Variants in BNIPL observed in about 807,000 individuals in gnomAD.
The protein encoded by BNIPL is bcl-2/adenovirus E1B 19 kDa-interacting protein 2-like protein.
A neutral mutation model predicts 47.0 loss-of-function variants in BNIPL; 33 were observed. The ratio of observed to expected loss-of-function variants is 0.70; its 90% confidence interval spans 0.53 to 0.94. The LOEUF (loss-of-function observed/expected upper bound fraction) is 0.94, where lower values mean the gene tolerates loss of function less well. Ranked by LOEUF, BNIPL falls within the 40% of genes least tolerant of loss-of-function variation. BNIPL has a pLI of 0.00. For missense variants in BNIPL, 404 were observed against 445.2 expected (o/e 0.91, Z 0.83); for synonymous variants, 145 against 162.7 (o/e 0.89, Z 0.83).
chr1:151,044,087 C>T (rs1020035855), intron 7 of BNIPL, among the ~76,000 whole-genome samples: 19 of 152,186 alleles, frequency 1.2e-4, no homozygotes, highest in Middle Eastern at 3.2e-3. Context: ...CAGGCTCAAG[C>T]GATCCTCCCA....
chr1:151,039,122 G>C, intron 4 of BNIPL, 96 bp downstream of exon 4: 1 of 1,355,390 alleles, frequency 7.4e-7, no homozygotes, highest in Non-Finnish European at 9.5e-7. Context: ...AACTAATAAG[G>C]TGGGACCAAG....
chr1:151,044,271 C>T lies in BNIPL; in HGVS notation c.851+544C>T, dbSNP rs1406865970. On this transcript the variant is annotated intron_variant, in intron 7 of 9. Transcript: ENST00000368931. ...AAATGCTGAGATTATAGGCATGAGCCACTGCACCCGGCCACTTCAGCTTCT... is the reference window on the plus strand; with the variant it reads ...AAATGCTGAGATTATAGGCATGAGCTACTGCACCCGGCCACTTCAGCTTCT... Among the ~76,000 whole-genome samples the T allele has an allele frequency of 2.6e-5, 4 of 152,192 alleles. No homozygotes were observed. The East Asian group carries it at 7.7e-4, about 29-fold the overall frequency.
rs587719476 is a variant in BNIPL, at chr1:151,043,450, T to C, written c.719+16T>C. The C allele has an allele frequency of 6.3e-7, 1 of 1,577,802 alleles. No individual in the cohort carries two copies. Among genetic ancestry groups the C allele is most frequent in the African/African-American group, 1.3e-5 (1 of 74,142 alleles). ...ACTTGTTTAGGTGAGGTGGAAGGCC[T>C]GAAGGGCTACAGGGCAGTGTTAGGG... On this transcript the variant is annotated intron_variant, in intron 6 of 9. Transcript: ENST00000368931.
rs1026320193 is a variant in BNIPL at position 151,043,078 on chromosome 1, C to T, written c.556C>T (p.Arg186Trp). Reference sequence around the variant, plus strand: ...CTGGAGGGTGTTCCGAATGGGACCACGGGAGCAGCGCGTAGACATGACTGT... The same window carrying T: ...CTGGAGGGTGTTCCGAATGGGACCATGGGAGCAGCGCGTAGACATGACTGT... ...HHWRVFRMGP[R>W]EQRVDMTVIE... is the part of the protein sequence containing the mutation. Residue 186 changes from arginine to tryptophan, a missense_variant, in exon 5 of 10, where the codon CGG (arginine) becomes TGG (tryptophan). Coordinates refer to ENST00000368931, the MANE Select transcript of BNIPL (RefSeq NM_138278.4). 8.1e-6 allele frequency: 13 copies of T among 1,611,786 alleles called. No homozygotes were observed. Among genetic ancestry groups the T allele is most frequent in the Non-Finnish European group, 5.9e-6 (7 of 1,179,422 alleles).
intron 3 of BNIPL, 111 bp downstream of exon 3, chr1:151,038,679 C>T (rs900928601): frequency 8.0e-5 from 125 of 1,570,628 alleles, no homozygotes; most frequent in Non-Finnish European, 1.0e-4. Context: ...ATCTCCCCTG[C>T]GTGAGTCCTT....
Position 151,037,639 on chromosome 1 carries a change from A to G in BNIPL, c.114A>G (p.Glu38=). ...ATGGGGAGTTGGAGCTGAAGGAGGA[A>G]TGGCAGGATGAAGAATTCCCTAGGT... is the stretch of plus-strand genomic sequence containing the variant. The part of the protein sequence containing the change: ...LRHGELELKE[E]WQDEEFPRLL... Residue 38 remains glutamate, a synonymous_variant, in exon 2 of 10, where the codon GAA becomes GAG. Coordinates refer to ENST00000368931, the MANE Select transcript of BNIPL (RefSeq NM_138278.4). 1 of 1,602,402 alleles carries G rather than the reference A, an allele frequency of 6.2e-7. No individual in the cohort carries two copies. The highest frequency in any genetic ancestry group is 8.5e-7 in the Non-Finnish European group (1 of 1,174,182).
chr1:151,038,000 C>CAAAAAAAAAAAAAAAAAAAAA (rs58423611), intron 2 of BNIPL, among the ~76,000 whole-genome samples: 1 of 63,950 alleles, frequency 1.6e-5, no homozygotes, highest in African/African-American at 9.4e-5. Context: ...AACTCTGTCT[C>CAAAAAAAAAAAAAAAAAAAAA]AAAAAAAAAA....
rs587670298 is a variant in BNIPL, at chr1:151,047,097, C to A, written c.*410C>A. On this transcript the variant is annotated 3_prime_UTR_variant, in exon 10 of 10. Transcript: ENST00000368931. ...CCTCAGCCTCAGCGAGTAGCTGAGA[C>A]TACCGGCGCACGCCACCACGCCCAG... 6.3e-6 allele frequency: 1 copy of A among 157,626 alleles called. No individual in the cohort carries two copies. The highest frequency in any genetic ancestry group is 1.8e-4 in the South Asian group (1 of 5,712). 9.8% of individuals were successfully genotyped at this position (157,626 alleles called of 1,614,324 possible).
chr1:151,046,680 G>T lies in BNIPL; in HGVS notation c.1067G>T (p.Gly356Val). The change falls in exon 10 of 10, where the codon GGG (glycine) becomes GTG (valine). Residue 356 changes from glycine (G) to valine (V), a missense_variant. Transcript: ENST00000368931. ...GACCGGGATCTCCATGGCTCAGGAG[G>T]GACATAGCACAGGACTGGATAAAAG... is the stretch of plus-strand genomic sequence containing the variant. ...QLDRDLHGSG[G>V]T 1 of 1,600,856 alleles carries T rather than the reference G, an allele frequency of 6.2e-7. No individual in the cohort carries two copies. Among genetic ancestry groups the T allele is most frequent in the Non-Finnish European group, 8.5e-7 (1 of 1,170,562 alleles).
intron 7 of BNIPL, chr1:151,044,991 G>A (rs184871626): frequency 1.4e-4 from 177 of 1,272,066 alleles, no homozygotes; most frequent in Admixed American, 3.8e-4. Flanking sequence ...GTGGTCGGGC[G>A]CGGTGGCTCA....
In BNIPL at chr1:151,047,664, G is replaced by T. The variant is rs1676077987; in HGVS notation, c.*977G>T. On this transcript the variant is annotated 3_prime_UTR_variant, in exon 10 of 10. Coordinates refer to ENST00000368931, the MANE Select transcript of BNIPL (RefSeq NM_138278.4). ...CTTCGGTTCTGGCAGAGTTCTTGCC[G>T]CAGAGGTTCCTTAGGAGCACCCCGC... is the stretch of plus-strand genomic sequence containing the variant. 2.1e-6 allele frequency: 2 copies of T among 966,744 alleles called. No homozygotes were observed. Among genetic ancestry groups the T allele is most frequent in the South Asian group, 4.0e-5 (2 of 50,314 alleles). 59.9% of individuals were successfully genotyped at this position (966,744 alleles called of 1,614,324 possible).
At chr1:151,042,691 G>A (rs1182034115) in intron 4 of BNIPL, among the ~76,000 whole-genome samples, 2 of 152,008 alleles carry the variant, frequency 1.3e-5, no homozygotes, top group Non-Finnish European at 2.9e-5. Flanking sequence ...GTGCATGCCT[G>A]TAGTTCCAGC....
At position 151,037,603 on chromosome 1, in the gene BNIPL, A is replaced by T. The variant is rs1408921807; in HGVS notation, c.78A>T (p.Ala26=). 1 of 1,608,152 alleles carries T rather than the reference A, an allele frequency of 6.2e-7. No individual in the cohort carries two copies. The highest frequency in any genetic ancestry group is 1.7e-5 in the Admixed American group (1 of 59,090). The change falls in exon 2 of 10, where the codon GCA becomes GCT. Residue 26 remains alanine (A), a synonymous_variant. Transcript: ENST00000368931. ...TTGCAGAAGCACCAGAACTAGGAGC[A>T]GCCCTGAGACATGGGGAGTTGGAGC... ...REIAEAPELG[A]ALRHGELELK...
At chr1:151,036,896 A>C in intron 1 of BNIPL, 130 bp downstream of exon 1, 2 of 922,524 alleles carry the variant, frequency 2.2e-6, no homozygotes, top group South Asian at 2.9e-5. Flanking sequence ...GAGAGTTTGC[A>C]GAGAAGAGAT....
At chr1:151,045,558 CAAAAAAAAAA>C (rs587769189) in intron 7 of BNIPL, 38 of 249,970 alleles carry the variant, frequency 1.5e-4, no homozygotes, top group African/African-American at 1.5e-3. Flanking sequence ...GACTCCGTCT[CAAAAAAAAAA>C]AAAAAAAAAA....
rs1448791270 is a variant in BNIPL at position 151,040,580 on chromosome 1, G to A, written c.433+1554G>A. ...GGAGGCTGAGGCAGGTGGATCACCT[G>A]AGGTCAGGAGTTCAAGACCAGCCTG... On this transcript the variant is annotated intron_variant, in intron 4 of 9. Coordinates refer to ENST00000368931, the MANE Select transcript of BNIPL (RefSeq NM_138278.4). Among the ~76,000 whole-genome samples, 2 of 151,956 alleles carry A rather than the reference G, an allele frequency of 1.3e-5. 1 individual carries two copies. Among genetic ancestry groups the A allele is most frequent in the East Asian group, 3.9e-4 (2 of 5,140 alleles).
At chr1:151,039,264 T>C (rs1675739280) in intron 4 of BNIPL, among the ~76,000 whole-genome samples, 1 of 152,176 alleles carries the variant, frequency 6.6e-6, no homozygotes, top group Non-Finnish European at 1.5e-5. Flanking sequence ...TGTTACATAC[T>C]ATCATGTATA....
In BNIPL at chr1:151,046,164, C is replaced by G; in HGVS notation, c.1036C>G (p.Gln346Glu). ...DQVHIPEAVR[Q>E]LDRDLHGSGG... ...AGTCCACATCCCTGAAGCTGTCAGA[C>G]AGTGAGTTTCACACTTAAGAATAAA... The change falls in exon 9 of 10, where the codon CAG (glutamine) becomes GAG (glutamate). Residue 346 changes from glutamine to glutamate, a missense_variant and splice_region_variant. Physicochemically the swap from Gln to Glu is conservative, Grantham distance 29. Coordinates refer to ENST00000368931, the MANE Select transcript of BNIPL (RefSeq NM_138278.4). 6.2e-7 allele frequency: 1 copy of G among 1,614,092 alleles called. No homozygotes were observed. Among genetic ancestry groups the G allele is most frequent in the Non-Finnish European group, 8.5e-7 (1 of 1,179,992 alleles).
In BNIPL at chr1:151,043,411, C is replaced by A; in HGVS notation, c.696C>A (p.Thr232=). 6.2e-7 allele frequency: 1 copy of A among 1,607,534 alleles called. No individual in the cohort carries two copies. Among genetic ancestry groups the A allele is most frequent in the Non-Finnish European group, 8.5e-7 (1 of 1,174,042 alleles). Residue 232 remains threonine, a synonymous_variant, in exon 6 of 10, where the codon ACC becomes ACA. Coordinates refer to ENST00000368931, the MANE Select transcript of BNIPL (RefSeq NM_138278.4). ...YLPRSSIPNY[T]YVMEHLFRYM... is the part of the protein sequence containing the mutation. ...CCAGAAGCAGCATCCCCAACTACAC[C>A]TATGTCATGGAACACTTGTTTAGGT...
Sources: allele counts gnomAD v4.1 joint callset (sites outside exome capture counted in the v4.1 genomes callset), GRCh38; gene constraint gnomAD v4.1.1; transcripts MANE v1.5; gene names NCBI Gene and HGNC (gene_info 2026-07-23, HGNC 2026-07-21).